The following GALNT17 variants were observed in gnomAD, a reference collection of about 807,000 sequenced individuals.
The protein encoded by GALNT17 is UDP-GalNAc:polypeptide N-acetylgalactosaminyltransferase-like 3.
In GALNT17, 29 loss-of-function variants were observed where a neutral mutation model predicts 63.7. The observed-to-expected ratio is 0.46, with a 90% CI of 0.34 to 0.62. The LOEUF is 0.62. Ranked by LOEUF, GALNT17 falls within the 20% of genes least tolerant of loss-of-function variation. The pLI is 0.01. For missense variants in GALNT17, 603 were observed against 799.6 expected (o/e 0.75, Z 2.97); for synonymous variants, 305 against 318.3 (o/e 0.96, Z 0.45).
At chr7:71,705,833 A>G (rs188925203) in intron 9 of GALNT17, among the ~76,000 whole-genome samples, 1 of 152,308 alleles carries the variant, frequency 6.6e-6, no homozygotes, top group Non-Finnish European at 1.5e-5. Context: ...AATCAGTAGC[A>G]TCTCCAGGCA....
chr7:71,612,235 A>AT, intron 6 of GALNT17, among the ~76,000 whole-genome samples: 1 of 152,192 alleles, frequency 6.6e-6, no homozygotes, highest in Admixed American at 6.5e-5. Context: ...AATGCTTTGG[A>AT]TTTTTTGTTT....
chr7:71,297,108 TG>T, intron 1 of GALNT17, among the ~76,000 whole-genome samples: 1 of 152,310 alleles, frequency 6.6e-6, no homozygotes, highest in East Asian at 1.9e-4. Context: ...TTTCGCCAGA[TG>T]GAATAAGCAA....
chr7:71,184,353 C>T (rs544077287), intron 1 of GALNT17, among the ~76,000 whole-genome samples: 2 of 151,076 alleles, frequency 1.3e-5, no homozygotes, highest in Non-Finnish European at 2.9e-5. Context: ...TCCAACCACT[C>T]GATGATTTGA....
intron 1 of GALNT17, among the ~76,000 whole-genome samples, chr7:71,246,378 C>G (rs1251737170): frequency 2.0e-5 from 3 of 151,652 alleles, no homozygotes; most frequent in African/African-American, 7.3e-5. Flanking sequence ...CTGCCTTGGT[C>G]TTCCAAAATG....
chr7:71,180,282 C>T (rs1788713220), intron 1 of GALNT17, among the ~76,000 whole-genome samples: 1 of 152,060 alleles, frequency 6.6e-6, no homozygotes, highest in Non-Finnish European at 1.5e-5. Context: ...CATGCCGCCA[C>T]ACCTGGCTAA....
intron 1 of GALNT17, among the ~76,000 whole-genome samples, chr7:71,226,525 T>C (rs574377914): frequency 6.6e-6 from 1 of 152,346 alleles, no homozygotes; most frequent in African/African-American, 2.4e-5. Context: ...CGAGTCTTGC[T>C]GTTTCACCCA....
chr7:71,137,544 TGAG>T (rs1787809554), intron 1 of GALNT17, among the ~76,000 whole-genome samples: 1 of 152,146 alleles, frequency 6.6e-6, no homozygotes, highest in African/African-American at 2.4e-5. Flanking sequence ...GGAGCTAGTT[TGAG>T]GAGGTAAATG....
intron 6 of GALNT17, among the ~76,000 whole-genome samples, chr7:71,572,938 A>G (rs1481862157): frequency 6.6e-6 from 1 of 152,242 alleles, no homozygotes; most frequent in African/African-American, 2.4e-5. Context: ...ACACCCCTGT[A>G]CGACCAGATT....
chr7:71,209,168 C>T (rs1022234429), intron 1 of GALNT17, among the ~76,000 whole-genome samples: 2 of 152,318 alleles, frequency 1.3e-5, no homozygotes, highest in East Asian at 1.9e-4. Context: ...TCATTCTTCT[C>T]TGAATGTTTT....
chr7:71,560,675 G>A (rs769688889), intron 5 of GALNT17, among the ~76,000 whole-genome samples: 105 of 152,206 alleles, frequency 6.9e-4, no homozygotes, highest in Non-Finnish European at 1.3e-3. Context: ...TCATGAGAAA[G>A]TTCACTTGAG....
chr7:71,471,300 A>C (rs971194253), intron 5 of GALNT17, among the ~76,000 whole-genome samples: 7 of 150,918 alleles, frequency 4.6e-5, no homozygotes, highest in African/African-American at 1.7e-4. Context: ...TGGTCTCCGA[A>C]CTGCTGGACT....
At chr7:71,568,780 C>G (rs527412225) in intron 5 of GALNT17, among the ~76,000 whole-genome samples, 26 of 152,218 alleles carry the variant, frequency 1.7e-4, no homozygotes, top group Non-Finnish European at 3.1e-4. Context: ...TCTATTGATA[C>G]TATACTACAA....
intron 2 of GALNT17, among the ~76,000 whole-genome samples, chr7:71,376,474 G>C (rs1185530016): frequency 9.4e-6 from 1 of 106,068 alleles, no homozygotes; most frequent in South Asian, 3.4e-4. Flanking sequence ...AATTCATCAA[G>C]ATAAGCTGTA....
At chr7:71,419,556 G>C (rs73363746) in intron 4 of GALNT17, among the ~76,000 whole-genome samples, 6,884 of 152,202 alleles carry the variant, frequency 0.045, 551 homozygotes, top group African/African-American at 0.16. Context: ...AATAAGGTGG[G>C]GAAAATGATC....
chr7:71,598,434 C>T (rs910768676), intron 6 of GALNT17, among the ~76,000 whole-genome samples: 54 of 152,292 alleles, frequency 3.5e-4, no homozygotes, highest in South Asian at 4.1e-4. Flanking sequence ...CCCATATAGG[C>T]ATGGATCTCA....
intron 1 of GALNT17, among the ~76,000 whole-genome samples, chr7:71,187,433 C>A (rs1788871631): frequency 6.6e-6 from 1 of 152,106 alleles, no homozygotes; most frequent in African/African-American, 2.4e-5. Flanking sequence ...GACTGAGAAA[C>A]TTGAGAGGAA....
chr7:71,543,847 C>T (rs957256149), intron 5 of GALNT17, among the ~76,000 whole-genome samples: 5 of 146,584 alleles, frequency 3.4e-5, no homozygotes, highest in Admixed American at 2.8e-4. Context: ...GGCTAGAGTG[C>T]AGTGGCATGA....
At chr7:71,612,678 C>T (rs906882009) in intron 6 of GALNT17, among the ~76,000 whole-genome samples, 6 of 152,138 alleles carry the variant, frequency 3.9e-5, no homozygotes, top group Non-Finnish European at 7.4e-5. Flanking sequence ...ACAAGGGAAC[C>T]GATTCCTGCA....
At chr7:71,672,486 A>C (rs1026050976) in intron 8 of GALNT17, among the ~76,000 whole-genome samples, 2 of 152,234 alleles carry the variant, frequency 1.3e-5, no homozygotes, top group Admixed American at 1.3e-4. Flanking sequence ...ATAATACACC[A>C]AACTGAAAAT....
Sources: gnomAD v4.1 joint callset for allele counts (sites outside exome capture counted in the v4.1 genomes callset) on GRCh38, gnomAD v4.1.1 for gene constraint, MANE v1.5 for transcripts, NCBI Gene and HGNC (gene_info 2026-07-23, HGNC 2026-07-21) for gene names.